Variants in USP34 observed in about 807,000 individuals in gnomAD.
The protein encoded by USP34 is ubiquitin specific peptidase 34, also known as ubiquitin carboxyl-terminal hydrolase 34.
In USP34, 70 loss-of-function variants were observed where a neutral mutation model predicts 460.3. The observed-to-expected ratio is 0.15, with a 90% confidence interval of 0.13 to 0.19. USP34 has a LOEUF of 0.19. Among genes scored for constraint, USP34 ranks in the 10% least tolerant of loss-of-function variants. USP34 has a pLI of 1.00. For synonymous variants in USP34, 1,647 were observed against 1,405.3 expected (o/e 1.17, Z -3.85); for missense variants, 3,985 against 4,236.2 (o/e 0.94, Z 1.65).
chr2:61,355,612 A>G (rs1353464823), intron 10 of USP34, among the ~76,000 whole-genome samples: 2 of 139,890 alleles, frequency 1.4e-5, no homozygotes, highest in Non-Finnish European at 3.1e-5. Context: ...CACTACAAAA[A>G]CAACAACAAC....
chr2:61,399,635 G>A (rs2103916332), intron 3 of USP34, among the ~76,000 whole-genome samples: 1 of 152,130 alleles, frequency 6.6e-6, no homozygotes, highest in East Asian at 1.9e-4. Flanking sequence ...CACTTTGGGA[G>A]GCTGAGGCAG....
chr2:61,447,863 G>A (rs148190984), intron 1 of USP34, among the ~76,000 whole-genome samples: 312 of 152,130 alleles, frequency 2.1e-3, no homozygotes, highest in Middle Eastern at 0.01. Flanking sequence ...TTGCAGGTGC[G>A]CGCCACCACA....
At chr2:61,240,058 T>C (rs548378120) in intron 53 of USP34, among the ~76,000 whole-genome samples, 1 of 145,088 alleles carries the variant, frequency 6.9e-6, no homozygotes, top group East Asian at 2.0e-4. Context: ...AAAAAAAAAA[T>C]TTTTTTTTTA....
intron 2 of USP34, among the ~76,000 whole-genome samples, chr2:61,419,344 G>C (rs1345191838): frequency 1.3e-5 from 2 of 151,794 alleles, no homozygotes; most frequent in African/African-American, 4.8e-5. Flanking sequence ...CTACATTCTA[G>C]GGCAACATGA....
At chr2:61,295,370 AC>A in intron 30 of USP34, 80 bp from the exon 31 acceptor site, 1 of 1,421,580 alleles carries the variant, frequency 7.0e-7, no homozygotes, top group Non-Finnish European at 9.3e-7. Context: ...AACTGACACT[AC>A]ATAAAAACTC....
intron 59 of USP34, 91 bp downstream of exon 59, chr2:61,229,457 T>TAGAAAAAAAAAAAAAAAAAAAA (rs1687822480): frequency 2.7e-6 from 1 of 372,234 alleles, no homozygotes; most frequent in African/African-American, 3.7e-5. Context: ...CCCTATCTCT[T>TAGAAAAAAAAAAAAAAAAAAAA]AAAAAAAAAA....
At chr2:61,237,926 C>T (rs1688118068) in intron 53 of USP34, among the ~76,000 whole-genome samples, 2 of 150,802 alleles carry the variant, frequency 1.3e-5, no homozygotes, top group South Asian at 4.2e-4. Flanking sequence ...AGACAAGTTT[C>T]GTTCTTGTTG....
intron 1 of USP34, among the ~76,000 whole-genome samples, chr2:61,466,835 C>T (rs1269644867): frequency 6.6e-6 from 1 of 151,684 alleles, no homozygotes; most frequent in Non-Finnish European, 1.5e-5. Flanking sequence ...TCACTTGAAT[C>T]CGGGAGGTGG....
At chr2:61,197,691 G>C (rs1402836924) in intron 75 of USP34, among the ~76,000 whole-genome samples, 1 of 152,064 alleles carries the variant, frequency 6.6e-6, no homozygotes, top group Non-Finnish European at 1.5e-5. Flanking sequence ...TTGAACTCCT[G>C]GGCTCAAGTG....
intron 44 of USP34, among the ~76,000 whole-genome samples, chr2:61,257,913 C>A (rs1025915765): frequency 3.9e-5 from 6 of 152,150 alleles, no homozygotes; most frequent in Non-Finnish European, 7.4e-5. Context: ...ACACTCACAT[C>A]TATATTGCAA....
chr2:61,388,335 G>A (rs1365772539), intron 5 of USP34, among the ~76,000 whole-genome samples: 1 of 151,852 alleles, frequency 6.6e-6, no homozygotes, highest in African/African-American at 2.4e-5. Context: ...TATGCAACTA[G>A]GGGAACTCTC....
At chr2:61,317,575 G>A (rs1368102747) in intron 23 of USP34, 79 bp downstream of exon 23, 21 of 1,284,028 alleles carry the variant, frequency 1.6e-5, no homozygotes, top group Non-Finnish European at 2.3e-5. Flanking sequence ...ATACTTTGTA[G>A]AAAAATAATT....
intron 66 of USP34, 38 bp from the exon 67 acceptor site, chr2:61,220,495 C>A (rs1282757227): frequency 6.5e-7 from 1 of 1,537,988 alleles, no homozygotes; most frequent in South Asian, 1.3e-5. Flanking sequence ...ATAAGGCCAA[C>A]TGAATGAGCA....
intron 1 of USP34, among the ~76,000 whole-genome samples, chr2:61,445,360 C>A (rs1695081650): frequency 1.3e-5 from 2 of 149,458 alleles, no homozygotes; most frequent in Non-Finnish European, 1.5e-5. Context: ...ACAGTGAAAC[C>A]CCATCTCTAC....
chr2:61,407,019 A>G (rs1411990189), intron 2 of USP34, among the ~76,000 whole-genome samples: 1 of 152,160 alleles, frequency 6.6e-6, no homozygotes, highest in Admixed American at 6.6e-5. Flanking sequence ...TCAAAAAAAA[A>G]GTATTACAAA....
intron 30 of USP34, 49 bp from the exon 31 acceptor site, chr2:61,295,339 A>C (rs1365197620): frequency 2.0e-6 from 3 of 1,532,360 alleles, no homozygotes; most frequent in Middle Eastern, 1.8e-4. Flanking sequence ...CAGGGAACAC[A>C]AAAAAGAAAA....
chr2:61,357,300 A>T (rs1692136891), intron 10 of USP34, among the ~76,000 whole-genome samples: 1 of 152,246 alleles, frequency 6.6e-6, no homozygotes, highest in South Asian at 2.1e-4. Flanking sequence ...TGGACAACGC[A>T]CAAATATGTA....
At chr2:61,213,640 A>AAT (rs1348065909) in intron 68 of USP34, among the ~76,000 whole-genome samples, 1 of 152,218 alleles carries the variant, frequency 6.6e-6, no homozygotes, top group African/African-American at 2.4e-5. Flanking sequence ...AATACTGCGG[A>AAT]ATACTACTAG....
At chr2:61,416,730 CTCCTATTCTA>C (rs1284095697) in intron 2 of USP34, among the ~76,000 whole-genome samples, 18 of 149,744 alleles carry the variant, frequency 1.2e-4, no homozygotes, top group Non-Finnish European at 1.5e-5. Context: ...GTTAGTTTTC[CTCCTATTCTA>C]TTCCCAATCA....
Sources: allele counts gnomAD v4.1 joint callset (sites outside exome capture counted in the v4.1 genomes callset), GRCh38; gene constraint gnomAD v4.1.1; transcripts MANE v1.5; gene names NCBI Gene and HGNC (gene_info 2026-07-23, HGNC 2026-07-21).